ALOX12: variants seen among roughly 807,000 people sequenced by gnomAD.
ALOX12 encodes arachidonate 12-lipoxygenase, 12S type, also known as polyunsaturated fatty acid lipoxygenase ALOX12.
ALOX12 carries 62 observed loss-of-function variants against 85.5 expected under a neutral mutation model. The observed-to-expected ratio is 0.73, with a 90% CI of 0.59 to 0.90. ALOX12 has a LOEUF of 0.90. Ranked by LOEUF, ALOX12 falls within the 40% of genes least tolerant of loss-of-function variation. The pLI is 0.00. For synonymous variants in ALOX12, 299 were observed against 332.7 expected (o/e 0.90, Z 1.10); for missense variants, 751 against 856.5 (o/e 0.88, Z 1.54).
rs138309688 is a variant in ALOX12 at position 7,002,544 on chromosome 17, T to C, written c.1161+733T>C. ...GGTTCACGCCTGTAATCCCAGTGCT[T>C]TGGGTGGCCAAAGCAGTATGATTGC... On this transcript the variant is annotated intron_variant, in intron 8 of 13. Transcript: ENST00000251535. 207 of 468,536 alleles carry C rather than the reference T, an allele frequency of 4.4e-4. 2 individuals carry two copies. The highest frequency in any genetic ancestry group is 4.0e-3 in the African/African-American group (202 of 50,030). The allele number at this position is 468,536 out of a possible 1,614,324, so 29.0% of individuals were successfully genotyped here. A position where few individuals can be genotyped will look rare whatever the true frequency, so the allele number is the denominator to read the frequency against.
chr17:7,006,517 C>T lies in ALOX12; in HGVS notation c.1450C>T (p.Gln484Ter), dbSNP rs774692472. ...GGAGGGGATCGTCCACCTCTTCTACCAAAGGGATGACATAGTGAAGGGGGA... is the reference window on the plus strand; with the variant it reads ...GGAGGGGATCGTCCACCTCTTCTACTAAAGGGATGACATAGTGAAGGGGGA... The part of the protein sequence containing the change: ...YVEGIVHLFY[Q>*]RDDIVKGDPE... The change falls in exon 11 of 14, where the codon CAA (glutamine) becomes TAA (stop). Residue 484 changes from glutamine to a stop codon, truncating the protein, a stop_gained. Coordinates refer to ENST00000251535, the MANE Select transcript of ALOX12 (RefSeq NM_000697.3). LOFTEE classifies it high-confidence loss of function. The T allele has an allele frequency of 2.6e-5, 42 of 1,613,826 alleles. No homozygotes were observed. Among genetic ancestry groups the T allele is most frequent in the Non-Finnish European group, 3.6e-5 (42 of 1,179,902 alleles).
chr17:6,996,170 C>T lies in ALOX12; in HGVS notation c.53C>T (p.Ser18Leu). The T allele has an allele frequency of 8.0e-7, 1 of 1,253,392 alleles. No individual in the cohort carries two copies. 77.6% of individuals were successfully genotyped at this position (1,253,392 alleles called of 1,614,324 possible). A position where few individuals can be genotyped will look rare whatever the true frequency, so the allele number is the denominator to read the frequency against. Residue 18 changes from serine to leucine, a missense_variant, in exon 1 of 14, where the codon TCG (serine) becomes TTG (leucine). Transcript: ENST00000251535. ...ACCGGGGCCTGGCTCTTCTCCGGGT[C>T]GTACAACCGCGTGCAGCTTTGGCTG... ...VATGAWLFSG[S>L]YNRVQLWLVG...
intron 8 of ALOX12, among the ~76,000 whole-genome samples, chr17:7,003,781 C>T (rs1035262869): frequency 1.3e-5 from 2 of 152,134 alleles, no homozygotes; most frequent in Admixed American, 1.3e-4. Flanking sequence ...ATCCTTTCTC[C>T]TCATGTGGAC....
chr17:7,006,454 T>C (rs1458688987), intron 10 of ALOX12, 32 bp from the exon 11 acceptor site: 5 of 1,612,266 alleles, frequency 3.1e-6, no homozygotes, highest in Admixed American at 1.7e-5. Context: ...GCGGGGGCTT[T>C]CTGCCCTCAA....
Position 7,000,574 on chromosome 17 carries a change from C to A in ALOX12, c.951+95C>A. ...CCCCCAGCTCTTGGCTCCCAAACCCCATCCTCACTCAGTGAGACTTGTCTT... is the reference window on the plus strand; with the variant it reads ...CCCCCAGCTCTTGGCTCCCAAACCCAATCCTCACTCAGTGAGACTTGTCTT... On this transcript the variant is annotated intron_variant, in intron 7 of 13. Coordinates refer to ENST00000251535, the MANE Select transcript of ALOX12 (RefSeq NM_000697.3). This position sits in a 1 kb window ranked among gnomAD's most constrained non-coding sequence, Gnocchi z 4.6. The A allele has an allele frequency of 7.0e-7, 1 of 1,428,072 alleles. No homozygotes were observed. The highest frequency in any genetic ancestry group is 1.3e-5 in the South Asian group (1 of 78,720). 88.5% of individuals were successfully genotyped at this position (1,428,072 alleles called of 1,614,324 possible).
rs2151639071 is a variant in ALOX12 at position 6,998,494 on chromosome 17, T to C, written c.338-15T>C. The C allele has an allele frequency of 1.3e-6, 2 of 1,597,710 alleles. No homozygotes were observed. Among genetic ancestry groups the C allele is most frequent in the Non-Finnish European group, 1.7e-6 (2 of 1,166,428 alleles). On this transcript the variant is annotated splice_polypyrimidine_tract_variant and intron_variant, in intron 2 of 13. Transcript: ENST00000251535. ...AGACAGAGCCGTGAGGCCAATTGTC[T>C]TGATGTCTCCCCAGCCCGCCTGCCA...
rs1224294006 is a variant in ALOX12, at chr17:7,009,752, CCT to C, written c.1547_1548del (p.Pro516ArgfsTer40). ...GCTATTCCTTTCCTGCCCAGGTTTC[CCT>C]GTCTCCTTCCAGTCCCAGAGTCAAC... ...GLCQAQDRGF[P>X]VSFQSQSQLC... On this transcript the variant is annotated frameshift_variant, in exon 12 of 14. Transcript: ENST00000251535. LOFTEE classifies it high-confidence loss of function. 4 of 1,613,930 alleles carry C rather than the reference CCT, an allele frequency of 2.5e-6. No homozygotes were observed. Among genetic ancestry groups the C allele is most frequent in the African/African-American group, 2.7e-5 (2 of 74,930 alleles).
At chr17:7,006,064 G>GGGT in intron 10 of ALOX12, 37 bp downstream of exon 10, 1 of 175,856 alleles carries the variant, frequency 5.7e-6, no homozygotes, top group Admixed American at 5.7e-5. Context: ...TGGGGCCGGG[G>GGGT]GGGGGGGGGG....
chr17:6,999,221 TA>T, intron 5 of ALOX12, 84 bp from the exon 6 acceptor site: 1 of 1,568,382 alleles, frequency 6.4e-7, no homozygotes. Context: ...CAGGGAGGGT[TA>T]TATACCTGAA....
chr17:6,997,420 A>G (rs1220006768), intron 2 of ALOX12, among the ~76,000 whole-genome samples: 1 of 152,122 alleles, frequency 6.6e-6, no homozygotes, highest in Non-Finnish European at 1.5e-5. Context: ...GACCCGTGAG[A>G]GCAGACAGCT....
chr17:6,996,293 C>T, intron 1 of ALOX12, 41 bp downstream of exon 1: 1 of 1,222,594 alleles, frequency 8.2e-7, no homozygotes, highest in Non-Finnish European at 1.0e-6. Flanking sequence ...AGCGGGGACC[C>T]CGGGCCCAGG....
intron 7 of ALOX12, chr17:7,001,322 A>C: frequency 2.1e-6 from 1 of 469,636 alleles, no homozygotes. Context: ...TCTCCTTCAC[A>C]TTCCACCACC....
chr17:7,006,481 G>A lies in ALOX12; in HGVS notation c.1419-5G>A. 1.9e-6 allele frequency: 3 copies of A among 1,613,526 alleles called. No homozygotes were observed. Among genetic ancestry groups the A allele is most frequent in the Non-Finnish European group, 2.5e-6 (3 of 1,179,912 alleles). ...TGCCCTCAAGTGCCTTTTCCCCCTG[G>A]GCAGGTATGTGGAGGGGATCGTCCA... On this transcript the variant is annotated splice_region_variant and splice_polypyrimidine_tract_variant and intron_variant, in intron 10 of 13. Coordinates refer to ENST00000251535, the MANE Select transcript of ALOX12 (RefSeq NM_000697.3).
In ALOX12 at chr17:6,998,832, G is replaced by A; in HGVS notation, c.537G>A (p.Lys179=). 6.2e-7 allele frequency: 1 copy of A among 1,614,204 alleles called. No homozygotes were observed. ...EKRLDFEWTL[K]AGALEMALKR... ...GGCTGGACTTTGAATGGACACTGAA[G>A]GCAGGGTGAGAAAAAGGCTAGACCT... Residue 179 remains lysine, a synonymous_variant, in exon 4 of 14, where the codon AAG becomes AAA. Coordinates refer to ENST00000251535, the MANE Select transcript of ALOX12 (RefSeq NM_000697.3).
At chr17:7,007,123 TC>T (rs977925808) in intron 11 of ALOX12, among the ~76,000 whole-genome samples, 1 of 152,096 alleles carries the variant, frequency 6.6e-6, no homozygotes, top group Admixed American at 6.5e-5. Context: ...GCAAGCTCAA[TC>T]CTATACATGC....
At position 6,998,794 on chromosome 17, in the gene ALOX12, C is replaced by T; in HGVS notation, c.499C>T (p.His167Tyr). 6.2e-7 allele frequency: 1 copy of T among 1,614,116 alleles called. No individual in the cohort carries two copies. Among genetic ancestry groups the T allele is most frequent in the Non-Finnish European group, 8.5e-7 (1 of 1,180,032 alleles). Residue 167 changes from histidine to tyrosine, a missense_variant, in exon 4 of 14, where the codon CAT (histidine) becomes TAT (tyrosine). Coordinates refer to ENST00000251535, the MANE Select transcript of ALOX12 (RefSeq NM_000697.3). ...TGATCTACCTCCAAATATGAGATTC[C>T]ATGAGGAGAAGAGGCTGGACTTTGA... ...KDDLPPNMRF[H>Y]EEKRLDFEWT...
intron 11 of ALOX12, among the ~76,000 whole-genome samples, chr17:7,006,850 G>C (rs542268713): frequency 1.3e-5 from 2 of 152,202 alleles, no homozygotes; most frequent in African/African-American, 4.8e-5. Flanking sequence ...CCCAGTCACA[G>C]ATGCCCCTGA....
intron 6 of ALOX12, 29 bp downstream of exon 6, chr17:6,999,495 T>G: frequency 6.2e-7 from 1 of 1,610,668 alleles, no homozygotes; most frequent in Non-Finnish European, 8.5e-7. Context: ...CCTGGCACTG[T>G]TCTCTCCTTA....
At chr17:6,999,237 TG>T (rs1487584984) in intron 5 of ALOX12, 68 bp from the exon 6 acceptor site, 3 of 1,600,350 alleles carry the variant, frequency 1.9e-6, no homozygotes, top group Non-Finnish European at 2.6e-6. Context: ...CCTGAACCCC[TG>T]GGGTAGATTT....
Sources: gnomAD v4.1 joint callset for allele counts (sites outside exome capture counted in the v4.1 genomes callset) on GRCh38, gnomAD v4.1.1 for gene constraint, Gnocchi (gnomAD v3.1) non-coding constraint, MANE v1.5 for transcripts, NCBI Gene and HGNC (gene_info 2026-07-23, HGNC 2026-07-21) for gene names.